The following RPS6KB2 variants were observed in gnomAD, a reference collection of about 807,000 sequenced individuals.
The protein encoded by RPS6KB2 is ribosomal protein S6 kinase beta-2.
RPS6KB2 carries 51 observed loss-of-function variants against 58.2 expected under a neutral mutation model. The ratio of observed to expected loss-of-function variants is 0.88; its 90% confidence interval spans 0.70 to 1.11. The LOEUF is 1.11. Among genes scored for constraint, RPS6KB2 ranks in the 50% least tolerant of loss-of-function variants. The pLI, the probability that RPS6KB2 is intolerant of heterozygous loss-of-function variation, is 0.00. For synonymous variants in RPS6KB2, 293 were observed against 258.6 expected, an observed-to-expected ratio of 1.13 and a Z score of -1.28; for missense variants, 671 against 655.8, an observed-to-expected ratio of 1.02 and a Z score of -0.25.
intron 10 of RPS6KB2, 151 bp downstream of exon 10, chr11:67,433,598 G>A: frequency 1.5e-6 from 1 of 664,362 alleles, no homozygotes; most frequent in East Asian, 2.7e-5. Flanking sequence ...GTCAGGGATT[G>A]AGCCCAGGTC....
In RPS6KB2 at chr11:67,428,866, C is replaced by T. The variant is rs763944074; in HGVS notation, c.79-116C>T. On this transcript the variant is annotated intron_variant, in intron 1 of 14. Transcript: ENST00000312629. ...GGTTTCTTCCCAATTCTTACCCATC[C>T]CCTACTAGCTGCCATCCCTGACACC... The T allele has an allele frequency of 6.5e-6, 8 of 1,232,146 alleles. No individual in the cohort carries two copies. In the Admixed American group the frequency reaches 1.2e-4, roughly 19 times the overall value. The allele number at this position is 1,232,146 out of a possible 1,614,324, so 76.3% of individuals were successfully genotyped here.
At chr11:67,433,470 C>G in intron 10 of RPS6KB2, 23 bp downstream of exon 10, 1 of 1,552,414 alleles carries the variant, frequency 6.4e-7, no homozygotes, top group Non-Finnish European at 8.9e-7. Context: ...TCTCTCTTCT[C>G]CGGGGCCCTG....
In RPS6KB2 at chr11:67,431,674, G is replaced by A. The variant is rs1030015325; in HGVS notation, c.457+159G>A. On this transcript the variant is annotated intron_variant, in intron 5 of 14. Transcript: ENST00000312629. ...CATCCATCCATCCATCCGTGCATCC[G>A]TCCCATCATTCATTCATTCAGCAAA... is the stretch of plus-strand genomic sequence containing the variant. 1.1e-5 allele frequency: 7 copies of A among 629,738 alleles called. No homozygotes were observed. The Admixed American group carries it at 1.4e-4, about 13-fold the overall frequency. The allele number at this position is 629,738 out of a possible 1,614,324, so 39.0% of individuals were successfully genotyped here.
Position 67,429,175 on chromosome 11 carries a change from C to A in RPS6KB2, c.175C>A (p.Pro59Thr), listed in dbSNP as rs1166355396. Reference sequence around the variant, plus strand: ...GACTGAGACCAGCGTGAACGTTGGCCCAGAGCGCATCGGGCCCCACTGCTT... The same window carrying A: ...GACTGAGACCAGCGTGAACGTTGGCACAGAGCGCATCGGGCCCCACTGCTT... ...ELTETSVNVGPERIGPHCFEL... is the reference protein window; with the variant it reads ...ELTETSVNVGTERIGPHCFEL... Residue 59 changes from proline to threonine, a missense_variant, in exon 3 of 15, where the codon CCA becomes ACA. Coordinates refer to ENST00000312629, the MANE Select transcript of RPS6KB2 (RefSeq NM_003952.3). The A allele has an allele frequency of 6.2e-7, 1 of 1,613,748 alleles. No homozygotes were observed. The highest frequency in any genetic ancestry group is 8.5e-7 in the Non-Finnish European group (1 of 1,180,048).
rs201805471 is a variant in RPS6KB2, at chr11:67,431,384, A to T, written c.326A>T (p.Asn109Ile). 1.9e-6 allele frequency: 3 copies of T among 1,613,964 alleles called. No homozygotes were observed. Among genetic ancestry groups the T allele is most frequent in the Non-Finnish European group, 2.5e-6 (3 of 1,179,932 alleles). Residue 109 changes from asparagine to isoleucine, a missense_variant, in exon 5 of 15, where the codon AAT becomes ATT. By Grantham distance (149) the Asn-to-Ile change is moderately radical. Coordinates refer to ENST00000312629, the MANE Select transcript of RPS6KB2 (RefSeq NM_003952.3). ...TATCTCCAGGCCAAAATTGTGCGCA[A>T]TGCCAAGGACACAGCACACACACGG... Reference protein sequence around the residue: ...KVLRKAKIVRNAKDTAHTRAE... With the variant: ...KVLRKAKIVRIAKDTAHTRAE...
Position 67,434,231 on chromosome 11 carries a change from G to A in RPS6KB2, c.1003G>A (p.Asp335Asn), listed in dbSNP as rs373702089. The A allele has an allele frequency of 1.1e-5, 18 of 1,613,940 alleles. 1 individual carries two copies. The Middle Eastern group carries it at 4.9e-4, about 44-fold the overall frequency. The change falls in exon 12 of 15, where the codon GAC becomes AAC. Residue 335 changes from aspartate (D) to asparagine (N), a missense_variant. Transcript: ENST00000312629. ...CTTTTTCCGGCACATGAATTGGGAC[G>A]ACCTTCTGGCCTGGCGTGTGGACCC... ...HPFFRHMNWD[D>N]LLAWRVDPPF...
At chr11:67,432,425 G>T in intron 5 of RPS6KB2, 175 bp from the exon 6 acceptor site, 2 of 733,670 alleles carry the variant, frequency 2.7e-6, no homozygotes, top group Non-Finnish European at 4.8e-6. Flanking sequence ...ACAGGGCCAG[G>T]CACCGAGTAG....
Position 67,428,509 on chromosome 11 carries a change from A to G in RPS6KB2, c.-37A>G, listed in dbSNP as rs761330290. ...CGGGACTGTCAGTCAGTGCGCGGCC[A>G]GGTACGGGCCGACGGGCCCGCGGGG... On this transcript the variant is annotated 5_prime_UTR_variant, in exon 1 of 15. Transcript: ENST00000312629. 2.5e-6 allele frequency: 4 copies of G among 1,572,060 alleles called. No individual in the cohort carries two copies. The highest frequency in any genetic ancestry group is 3.4e-4 in the Middle Eastern group (2 of 5,918).
At position 67,434,364 on chromosome 11, in the gene RPS6KB2, G is replaced by C; in HGVS notation, c.1048-13G>C. The C allele has an allele frequency of 6.2e-7, 1 of 1,612,326 alleles. No homozygotes were observed. On this transcript the variant is annotated splice_polypyrimidine_tract_variant and intron_variant, in intron 12 of 14. Coordinates refer to ENST00000312629, the MANE Select transcript of RPS6KB2 (RefSeq NM_003952.3). ...GTGCCCTCTGACCCCTCCCCACTCT[G>C]GTCGGCCCACAGCAGTCAGAGGAGG...
Position 67,433,216 on chromosome 11 carries a change from G to C in RPS6KB2, c.798G>C (p.Ser266=). ...TGATGTACGACATGCTCACTGGATC[G>C]GCAAGTCCAGCCCCCGGGGAGGAGG... The part of the protein sequence containing the change: ...GALMYDMLTG[S]PPFTAENRKK... The change falls in exon 9 of 15, where the codon TCG becomes TCC. Residue 266 remains serine, a splice_region_variant and synonymous_variant. Transcript: ENST00000312629. 6.2e-7 allele frequency: 1 copy of C among 1,606,442 alleles called. No individual in the cohort carries two copies. The highest frequency in any genetic ancestry group is 8.5e-7 in the Non-Finnish European group (1 of 1,179,158).
intron 11 of RPS6KB2, 24 bp downstream of exon 11, chr11:67,434,081 G>T: frequency 6.2e-7 from 1 of 1,613,818 alleles, no homozygotes; most frequent in East Asian, 2.2e-5. Flanking sequence ...CACCACCAGG[G>T]GTAGGGCTGA....
chr11:67,431,760 A>C, intron 5 of RPS6KB2: 2 of 480,296 alleles, frequency 4.2e-6, no homozygotes, highest in Non-Finnish European at 7.6e-6. Context: ...CATGGTGCGA[A>C]TTTGGATAGA....
At chr11:67,432,694 G>T in intron 6 of RPS6KB2, 37 bp downstream of exon 6, 1 of 1,613,896 alleles carries the variant, frequency 6.2e-7, no homozygotes, top group Non-Finnish European at 8.5e-7. Context: ...AGGCTGCCAG[G>T]TCCCTGCTCT....
rs374245219 is a variant in RPS6KB2 at position 67,432,828 on chromosome 11, A to T, written c.607A>T (p.Ser203Cys). 6.2e-7 allele frequency: 1 copy of T among 1,613,892 alleles called. No individual in the cohort carries two copies. The highest frequency in any genetic ancestry group is 8.5e-7 in the Non-Finnish European group (1 of 1,179,936). Reference sequence around the variant, plus strand: ...CCTCAAGCCCGAGAACATCATGCTCAGCAGCCAGGGTGCGCATGTGTGTGC... The same window carrying T: ...CCTCAAGCCCGAGAACATCATGCTCTGCAGCCAGGGTGCGCATGTGTGTGC... The part of the protein sequence containing the change: ...RDLKPENIML[S>C]SQGHIKLTDF... The change falls in exon 7 of 15, where the codon AGC becomes TGC. Residue 203 changes from serine to cysteine, a missense_variant. Physicochemically the swap from Ser to Cys is moderately radical, Grantham distance 112. Transcript: ENST00000312629.
rs376033461 is a variant in RPS6KB2 at position 67,434,658 on chromosome 11, C to T, written c.1232C>T (p.Pro411Leu). The T allele has an allele frequency of 6.2e-7, 1 of 1,610,454 alleles. No homozygotes were observed. The highest frequency in any genetic ancestry group is 8.5e-7 in the Non-Finnish European group (1 of 1,179,254). ...TCCTTCCAGCCCAAGCTGCGCTCAC[C>T]CAGGCGCCTCAACAGTAGCCCCCGG... ...GFSFQPKLRS[P>L]RRLNSSPRAP... The change falls in exon 14 of 15, where the codon CCC becomes CTC. Residue 411 changes from proline to leucine, a missense_variant. Transcript: ENST00000312629.
intron 5 of RPS6KB2, chr11:67,432,024 C>T (rs1225043119): frequency 9.7e-6 from 3 of 310,352 alleles, no homozygotes; most frequent in Non-Finnish European, 1.9e-5. Flanking sequence ...CTGCTCCCAG[C>T]CCTTCTATTC....
chr11:67,428,915 C>T (rs1432499453), intron 1 of RPS6KB2, 67 bp from the exon 2 acceptor site: 2 of 1,593,872 alleles, frequency 1.3e-6, no homozygotes, highest in Non-Finnish European at 1.7e-6. Context: ...CCACGCAGTC[C>T]AACCTGAACG....
In RPS6KB2 at chr11:67,434,070, C is replaced by A. The variant is rs1332837553; in HGVS notation, c.969+13C>A. ...TGCTGATGTGCAGGTGGGTTTGGGA[C>A]CACCACCAGGGGTAGGGCTGAGTCT... On this transcript the variant is annotated intron_variant, in intron 11 of 14. Coordinates refer to ENST00000312629, the MANE Select transcript of RPS6KB2 (RefSeq NM_003952.3). 3.7e-6 allele frequency: 6 copies of A among 1,613,728 alleles called. No homozygotes were observed. The highest frequency in any genetic ancestry group is 5.1e-6 in the Non-Finnish European group (6 of 1,179,848).
intron 10 of RPS6KB2, 142 bp from the exon 11 acceptor site, chr11:67,433,853 C>A: frequency 2.2e-6 from 2 of 905,764 alleles, no homozygotes; most frequent in Non-Finnish European, 1.8e-6. Context: ...ACCTTGAAAG[C>A]CCTGAGGGTA....
Sources: allele counts gnomAD v4.1 joint callset, GRCh38; gene constraint gnomAD v4.1.1; transcripts MANE v1.5; gene names NCBI Gene and HGNC (gene_info 2026-07-23, HGNC 2026-07-21).